LRRN1: variants seen among roughly 807,000 people sequenced by gnomAD.
LRRN1 encodes the protein leucine rich repeat neuronal 1.
LRRN1 carries 14 observed loss-of-function variants against 45.8 expected under a neutral mutation model. The observed-to-expected ratio is 0.31, with a 90% CI of 0.20 to 0.48. LRRN1 has a LOEUF of 0.48. Among genes scored for constraint, LRRN1 ranks in the 20% least tolerant of loss-of-function variants. The pLI, the probability that LRRN1 is intolerant of heterozygous loss-of-function variation, is 0.99. For synonymous variants in LRRN1, 359 were observed against 330.1 expected (o/e 1.09, Z -0.95); for missense variants, 789 against 874.2 (o/e 0.90, Z 1.23).
At chr3:3,815,409 A>G (rs1009487494) in intron 1 of LRRN1, among the ~76,000 whole-genome samples, 2 of 152,246 alleles carry the variant, frequency 1.3e-5, no homozygotes, top group South Asian at 4.1e-4. Flanking sequence ...GTTGCTCAAT[A>G]AACTATTCTA....
intron 1 of LRRN1, among the ~76,000 whole-genome samples, chr3:3,820,687 T>C (rs1033893162): frequency 2.0e-5 from 3 of 152,240 alleles, no homozygotes; most frequent in African/African-American, 7.2e-5. Context: ...CTCGCAGGTA[T>C]AGCGAGAGAA....
rs142004844 is a variant in LRRN1, at chr3:3,825,738, G to T, written c.-278-18626G>T. ...TTAAAGTAGGTCTTCTGAAAGAAAG[G>T]AGTGTAAAATGAATTTTTGGAAATG... On this transcript the variant is annotated intron_variant, in intron 1 of 1. Coordinates refer to ENST00000319331, the MANE Select transcript of LRRN1 (RefSeq NM_020873.7). Among the ~76,000 whole-genome samples, 230 of 152,280 alleles carry T rather than the reference G, an allele frequency of 1.5e-3. 3 individuals are homozygous for T. The highest frequency in any genetic ancestry group is 5.3e-3 in the African/African-American group (221 of 41,560).
Position 3,845,031 on chromosome 3 carries a change from G to T in LRRN1, c.390G>T (p.Gln130His), listed in dbSNP as rs752620121. The T allele has an allele frequency of 6.2e-7, 1 of 1,614,030 alleles. No homozygotes were observed. The highest frequency in any genetic ancestry group is 8.5e-7 in the Non-Finnish European group (1 of 1,180,034). ...CAACGCTGCATTTGGAGGAAAATCA[G>T]ATTACCGAGATGACTGATTACTGTC... ...QLTTLHLEEN[Q>H]ITEMTDYCLQ... The change falls in exon 2 of 2, where the codon CAG becomes CAT. Residue 130 changes from glutamine to histidine, a missense_variant. Transcript: ENST00000319331. This position sits in a 1 kb window ranked among gnomAD's most constrained non-coding sequence, Gnocchi z 6.5.
At chr3:3,840,997 A>C (rs563206406) in intron 1 of LRRN1, among the ~76,000 whole-genome samples, 229 of 152,308 alleles carry the variant, frequency 1.5e-3, no homozygotes, top group African/African-American at 5.2e-3. Context: ...TACATTCAAT[A>C]GAAACATAAA....
intron 1 of LRRN1, among the ~76,000 whole-genome samples, chr3:3,833,913 G>T (rs1467395404): frequency 6.6e-6 from 1 of 152,176 alleles, no homozygotes; most frequent in Non-Finnish European, 1.5e-5. Flanking sequence ...TTGCAGGGTT[G>T]CATTCTTTTC....
chr3:3,830,517 A>AGGT (rs1282360667), intron 1 of LRRN1, among the ~76,000 whole-genome samples: 4 of 152,196 alleles, frequency 2.6e-5, no homozygotes, highest in Non-Finnish European at 5.9e-5. Context: ...GTCCATTTTC[A>AGGT]GGTGGTGTCT....
chr3:3,828,983 TTTTC>T (rs1693299866), intron 1 of LRRN1, among the ~76,000 whole-genome samples: 3 of 135,246 alleles, frequency 2.2e-5, no homozygotes, highest in Non-Finnish European at 4.6e-5. Context: ...TTGTGTTTTC[TTTTC>T]TTTCTTTTTT....
intron 1 of LRRN1, among the ~76,000 whole-genome samples, chr3:3,804,934 G>C (rs957468634): frequency 6.6e-6 from 1 of 152,214 alleles, no homozygotes; most frequent in South Asian, 2.1e-4. Flanking sequence ...CCAGGGAAGA[G>C]AGCCATCCTA....
Position 3,844,912 on chromosome 3 carries a change from C to A in LRRN1, c.271C>A (p.Leu91Met), listed in dbSNP as rs1388737378. ...TAACATCGCAAAGACTGTGGATGAG[C>A]TGCAGCAGCTTTTCAACTTGACTGA... ...SNNIAKTVDE[L>M]QQLFNLTELD... Residue 91 changes from leucine (L) to methionine (M), a missense_variant, in exon 2 of 2, where the codon CTG becomes ATG. Leu to Met is a conservative substitution (Grantham distance 15). Coordinates refer to ENST00000319331, the MANE Select transcript of LRRN1 (RefSeq NM_020873.7). 1 of 1,614,166 alleles carries A rather than the reference C, an allele frequency of 6.2e-7. No individual in the cohort carries two copies. The highest frequency in any genetic ancestry group is 8.5e-7 in the Non-Finnish European group (1 of 1,180,020).
rs1459094586 is a variant in LRRN1, at chr3:3,799,693, C to G, written c.-505C>G. 6.5e-6 allele frequency: 1 copy of G among 154,128 alleles called. No individual in the cohort carries two copies. The highest frequency in any genetic ancestry group is 1.4e-5 in the Non-Finnish European group (1 of 69,210). The allele number at this position is 154,128 out of a possible 1,614,324, so 9.5% of individuals were successfully genotyped here. On this transcript the variant is annotated 5_prime_UTR_variant, in exon 1 of 2. Transcript: ENST00000319331. ...CCTCTGAGAGCCGACTGAGCCCAGCCCCGTGCAGCAGCGGTTGCCTGTGTC... is the reference window on the plus strand; with the variant it reads ...CCTCTGAGAGCCGACTGAGCCCAGCGCCGTGCAGCAGCGGTTGCCTGTGTC...
In LRRN1 at chr3:3,816,951, GGGT is replaced by G. The variant is rs1293645487; in HGVS notation, c.-279+17034_-279+17036del. Among the ~76,000 whole-genome samples the G allele has an allele frequency of 2.0e-5, 3 of 152,150 alleles. No individual in the cohort carries two copies. Among genetic ancestry groups the G allele is most frequent in the African/African-American group, 7.2e-5 (3 of 41,432 alleles). The stretch of plus-strand genomic sequence containing the variant: ...GCCAGAGAAAGAGAATGAATAGGAT[GGGT>G]GATTGATTGATTGATTGATAAGATA... On this transcript the variant is annotated intron_variant, in intron 1 of 1. Transcript: ENST00000319331. This position sits in a 1 kb window ranked among gnomAD's most constrained non-coding sequence, Gnocchi z 4.0.
At chr3:3,828,927 C>G (rs1456675020) in intron 1 of LRRN1, among the ~76,000 whole-genome samples, 1 of 151,902 alleles carries the variant, frequency 6.6e-6, no homozygotes, top group Non-Finnish European at 1.5e-5. Flanking sequence ...CCTTCTTGTA[C>G]TACCCATTCT....
rs1190371617 is a variant in LRRN1, at chr3:3,845,260, C to T, written c.619C>T (p.Leu207=). ...MIGENPVIGI[L]DMNFKPLANL... ...CGGAGAAAACCCTGTGATTGGAATT[C>T]TGGATATGAACTTCAAACCCCTCGC... Residue 207 remains leucine, a synonymous_variant, in exon 2 of 2, where the codon CTG becomes TTG. Transcript: ENST00000319331. This position sits in a 1 kb window ranked among gnomAD's most constrained non-coding sequence, Gnocchi z 6.5. 1.9e-6 allele frequency: 3 copies of T among 1,614,142 alleles called. No homozygotes were observed. The highest frequency in any genetic ancestry group is 4.5e-5 in the East Asian group (2 of 44,880).
At chr3:3,811,992 T>C (rs565200111) in intron 1 of LRRN1, among the ~76,000 whole-genome samples, 120 of 152,318 alleles carry the variant, frequency 7.9e-4, no homozygotes, top group Middle Eastern at 3.4e-3. Flanking sequence ...CGCAAACTCA[T>C]CTGTAGAATG....
intron 1 of LRRN1, among the ~76,000 whole-genome samples, chr3:3,813,801 G>A (rs892525203): frequency 1.3e-5 from 2 of 152,094 alleles, no homozygotes; most frequent in Non-Finnish European, 2.9e-5. Flanking sequence ...GCAGAGGAAC[G>A]AAGCCCCTGC....
intron 1 of LRRN1, among the ~76,000 whole-genome samples, chr3:3,840,534 A>T (rs549630091): frequency 2.0e-5 from 3 of 152,304 alleles, no homozygotes; most frequent in East Asian, 3.9e-4. Context: ...ATGTCACATT[A>T]AAAAAGTTTG....
At chr3:3,808,151 G>A (rs993622287) in intron 1 of LRRN1, among the ~76,000 whole-genome samples, 14 of 152,130 alleles carry the variant, frequency 9.2e-5, no homozygotes, top group African/African-American at 3.4e-4. Context: ...CTATGCAAAT[G>A]AGATGCTTTA....
At chr3:3,820,856 A>G (rs1693088356) in intron 1 of LRRN1, among the ~76,000 whole-genome samples, 1 of 152,150 alleles carries the variant, frequency 6.6e-6, no homozygotes, top group Admixed American at 6.5e-5. Flanking sequence ...CTCTGAGAAC[A>G]CTCTGATGAG....
intron 1 of LRRN1, among the ~76,000 whole-genome samples, chr3:3,837,351 C>G (rs1262660052): frequency 6.6e-6 from 1 of 151,814 alleles, no homozygotes; most frequent in Non-Finnish European, 1.5e-5. Flanking sequence ...CATTTTATAA[C>G]CCCACACCAA....
Sources: allele counts gnomAD v4.1 joint callset (sites outside exome capture counted in the v4.1 genomes callset), GRCh38; gene constraint gnomAD v4.1.1; non-coding constraint Gnocchi (gnomAD v3.1); transcripts MANE v1.5; gene names NCBI Gene and HGNC (gene_info 2026-07-23, HGNC 2026-07-21).